Variants in ADCYAP1 observed in about 807,000 individuals in gnomAD.
ADCYAP1 encodes pituitary adenylate cyclase-activating polypeptide.
A neutral mutation model predicts 18.5 loss-of-function variants in ADCYAP1; 6 were observed. That is an observed-to-expected ratio of 0.32 (90% CI 0.18 to 0.64). ADCYAP1 has a LOEUF of 0.64. Ranked by LOEUF, ADCYAP1 falls within the 30% of genes least tolerant of loss-of-function variation. The pLI is 0.77. For missense variants in ADCYAP1, 314 were observed against 253.6 expected (o/e 1.24, Z -1.62); for synonymous variants, 136 against 113.9 (o/e 1.19, Z -1.24).
intron 4 of ADCYAP1, 31 bp downstream of exon 4, chr18:908,394 G>A (rs1410626412): frequency 6.3e-7 from 1 of 1,591,354 alleles, no homozygotes; most frequent in Non-Finnish European, 8.6e-7. Flanking sequence ...TAACCTGCGC[G>A]CGCCGGGGTG....
chr18:904,508 T>G (rs1351580048), upstream of ADCYAP1: 1 of 1,289,088 alleles, frequency 7.8e-7, no homozygotes, highest in South Asian at 1.2e-5. Flanking sequence ...CACAGATAAA[T>G]AGGAGCAGAA....
chr18:907,129 A>G (rs1277099587), intron 2 of ADCYAP1, among the ~76,000 whole-genome samples: 2 of 152,158 alleles, frequency 1.3e-5, no homozygotes, highest in African/African-American at 2.4e-5. Context: ...TCCGTGACCT[A>G]CATCTGCTCG....
At chr18:904,850 C>A, upstream of ADCYAP1, 1 of 1,285,748 alleles carries the variant, frequency 7.8e-7, no homozygotes, top group Non-Finnish European at 1.0e-6. Context: ...CCTGGTTCTG[C>A]GCGTCTACAA....
chr18:908,056 T>C (rs1909245323), intron 3 of ADCYAP1: 1 of 683,404 alleles, frequency 1.5e-6, no homozygotes, highest in Non-Finnish European at 2.4e-6. Flanking sequence ...ACACTCCGCA[T>C]CTGCCACTCC....
At chr18:908,784 A>C (rs1224285855) in intron 4 of ADCYAP1, among the ~76,000 whole-genome samples, 1 of 152,158 alleles carries the variant, frequency 6.6e-6, no homozygotes, top group African/African-American at 2.4e-5. Flanking sequence ...TATGGACCCA[A>C]ACAGTTTTGC....
At chr18:907,079 C>T (rs903698866) in intron 2 of ADCYAP1, among the ~76,000 whole-genome samples, 2 of 152,216 alleles carry the variant, frequency 1.3e-5, no homozygotes, top group Admixed American at 6.5e-5. Context: ...ATTCATGTTC[C>T]TGCCAGATCC....
intron 3 of ADCYAP1, 26 bp downstream of exon 3, chr18:907,816 A>T: frequency 7.1e-7 from 1 of 1,415,796 alleles, no homozygotes; most frequent in Non-Finnish European, 9.1e-7. Context: ...CCTCGCGCAC[A>T]CCCGCGGCTG....
rs1301923369 is a variant in ADCYAP1 at position 910,376 on chromosome 18, C to T, written c.*741C>T. On this transcript the variant is annotated 3_prime_UTR_variant, in exon 5 of 5. Transcript: ENST00000450565. Reference sequence around the variant, plus strand: ...AGCTCGATCCAAATTGTGCTTCTCCCCAGAATTCACGCCTCTCCCTAGGAG... The same window carrying T: ...AGCTCGATCCAAATTGTGCTTCTCCTCAGAATTCACGCCTCTCCCTAGGAG... The T allele has an allele frequency of 1.3e-5, 2 of 152,238 alleles. No individual in the cohort carries two copies. The highest frequency in any genetic ancestry group is 2.9e-5 in the Non-Finnish European group (2 of 68,060). The allele number at this position is 152,238 out of a possible 1,614,324, so 9.4% of individuals were successfully genotyped here. A position where few individuals can be genotyped will look rare whatever the true frequency, so the allele number is the denominator to read the frequency against.
At chr18:907,576 G>C (rs1315166184) in intron 2 of ADCYAP1, 83 bp from the exon 3 acceptor site, 10 of 1,418,224 alleles carry the variant, frequency 7.1e-6, no homozygotes, top group Non-Finnish European at 9.4e-6. Flanking sequence ...GTGAAAATCC[G>C]CGCGAGCCCC....
At position 905,352 on chromosome 18, in the gene ADCYAP1, C is replaced by G. The variant is rs1424289928; in HGVS notation, c.-1-34C>G. Reference sequence around the variant, plus strand: ...GAGGGTGGGAGGCCAGGGGCGTTCTCACAGCTGTGTGTCCTCTTTCCCATC... The same window carrying G: ...GAGGGTGGGAGGCCAGGGGCGTTCTGACAGCTGTGTGTCCTCTTTCCCATC... On this transcript the variant is annotated intron_variant, in intron 1 of 4. Coordinates refer to ENST00000450565, the MANE Select transcript of ADCYAP1 (RefSeq NM_001099733.2). 5 of 1,609,138 alleles carry G rather than the reference C, an allele frequency of 3.1e-6. No individual in the cohort carries two copies. The South Asian group carries it at 5.5e-5, about 18-fold the overall frequency.
At position 907,784 on chromosome 18, in the gene ADCYAP1, G is replaced by A. The variant is rs898004717; in HGVS notation, c.236G>A (p.Gly79Glu). 6 of 1,440,330 alleles carry A rather than the reference G, an allele frequency of 4.2e-6. No individual in the cohort carries two copies. In the East Asian group the frequency reaches 8.2e-5, roughly 20 times the overall value. The allele number at this position is 1,440,330 out of a possible 1,614,324, so 89.2% of individuals were successfully genotyped here. ...GCCGCCGCCTGGTACCGCCCGGCCG[G>A]GAGAAGGTGAGATTCGCGCGGCCTC... Reference protein sequence around the residue: ...RAAAAWYRPAGRRDVAHGILN... With the variant: ...RAAAAWYRPAERRDVAHGILN... Residue 79 changes from glycine (G) to glutamate (E), a missense_variant, in exon 3 of 5, where the codon GGG becomes GAG. Physicochemically the swap from Gly to Glu is moderately conservative, Grantham distance 98. Coordinates refer to ENST00000450565, the MANE Select transcript of ADCYAP1 (RefSeq NM_001099733.2).
Position 907,801 on chromosome 18 carries a change from C to A in ADCYAP1, c.242+11C>A. 7.0e-7 allele frequency: 1 copy of A among 1,421,308 alleles called. No homozygotes were observed. Among genetic ancestry groups the A allele is most frequent in the Admixed American group, 3.3e-5 (1 of 30,370 alleles). 88.0% of individuals were successfully genotyped at this position (1,421,308 alleles called of 1,614,324 possible). A position where few individuals can be genotyped will look rare whatever the true frequency, so the allele number is the denominator to read the frequency against. On this transcript the variant is annotated intron_variant, in intron 3 of 4. Transcript: ENST00000450565. ...CCCGGCCGGGAGAAGGTGAGATTCGCGCGGCCTCGCGCACACCCGCGGCTG... is the reference window on the plus strand; with the variant it reads ...CCCGGCCGGGAGAAGGTGAGATTCGAGCGGCCTCGCGCACACCCGCGGCTG...
chr18:904,778 G>A (rs1598981571), upstream of ADCYAP1: 1 of 1,274,380 alleles, frequency 7.8e-7, no homozygotes, highest in South Asian at 1.3e-5. Context: ...TCACCTCATC[G>A]CCCCCTCTTT....
At chr18:904,638 C>A, upstream of ADCYAP1, 9 of 1,237,146 alleles carry the variant, frequency 7.3e-6, no homozygotes, top group Non-Finnish European at 9.3e-6. Context: ...GCCCGCGGCT[C>A]CTACAAAGGC....
At position 908,105 on chromosome 18, in the gene ADCYAP1, C is replaced by G. The variant is rs929510953; in HGVS notation, c.243-160C>G. ...AGCTCCCGATCCTAGCAGTTGCTCTCGAGATCATCCCGGGAGTTATTGGCG... is the reference window on the plus strand; with the variant it reads ...AGCTCCCGATCCTAGCAGTTGCTCTGGAGATCATCCCGGGAGTTATTGGCG... On this transcript the variant is annotated intron_variant, in intron 3 of 4. Transcript: ENST00000450565. 8.5e-6 allele frequency: 6 copies of G among 702,310 alleles called. No individual in the cohort carries two copies. The African/African-American group carries it at 9.2e-5, about 11-fold the overall frequency. 43.5% of individuals were successfully genotyped at this position (702,310 alleles called of 1,614,324 possible).
chr18:907,334 A>AG (rs1457566619), intron 2 of ADCYAP1, among the ~76,000 whole-genome samples: 3 of 148,450 alleles, frequency 2.0e-5, no homozygotes, highest in East Asian at 4.1e-4. Context: ...CCAGGCGGGG[A>AG]GGGGGGCGGT....
In ADCYAP1 at chr18:911,894, G is replaced by A. The variant is rs1446506740; in HGVS notation, c.*2259G>A. 3 of 152,140 alleles carry A rather than the reference G, an allele frequency of 2.0e-5. No individual in the cohort carries two copies. The highest frequency in any genetic ancestry group is 4.4e-5 in the Non-Finnish European group (3 of 68,034). The allele number at this position is 152,140 out of a possible 1,614,324, so 9.4% of individuals were successfully genotyped here. The stretch of plus-strand genomic sequence containing the variant: ...TTTTATTTATGAAGTCTAATTTAGT[G>A]TTCCCGTGGCTAGTTGCAAGCATTT... On this transcript the variant is annotated 3_prime_UTR_variant, in exon 5 of 5. Coordinates refer to ENST00000450565, the MANE Select transcript of ADCYAP1 (RefSeq NM_001099733.2).
rs1329610373 is a variant in ADCYAP1 at position 905,512 on chromosome 18, C to T, written c.110+16C>T. On this transcript the variant is annotated intron_variant, in intron 2 of 4. Transcript: ENST00000450565. Reference sequence around the variant, plus strand: ...CCGGGATCAGGTAGGTGCTGGCTGCCTGGCCCAAGCAGGAGCTGGGGCTTC... The same window carrying T: ...CCGGGATCAGGTAGGTGCTGGCTGCTTGGCCCAAGCAGGAGCTGGGGCTTC... 1.2e-6 allele frequency: 2 copies of T among 1,603,314 alleles called. No individual in the cohort carries two copies. Among genetic ancestry groups the T allele is most frequent in the South Asian group, 2.2e-5 (2 of 91,068 alleles).
At chr18:906,270 G>C (rs2846585) in intron 2 of ADCYAP1, 57,345 of 152,280 alleles carry the variant, frequency 0.38, 11,968 homozygotes, top group South Asian at 0.57. Context: ...GTTTCTAACC[G>C]GCAGGCGCGG....
Sources: allele counts gnomAD v4.1 joint callset (sites outside exome capture counted in the v4.1 genomes callset), GRCh38; gene constraint gnomAD v4.1.1; transcripts MANE v1.5; gene names NCBI Gene and HGNC (gene_info 2026-07-23, HGNC 2026-07-21).